Variants in GRIK2 observed in about 807,000 individuals in gnomAD.
GRIK2 encodes glutamate ionotropic receptor kainate type subunit 2, also known as glutamate receptor ionotropic, kainate 2.
GRIK2 carries 32 observed loss-of-function variants against 100.3 expected under a neutral mutation model. That is an observed-to-expected ratio of 0.32 (90% CI 0.24 to 0.43). The LOEUF is 0.43. Ranked by LOEUF, GRIK2 falls within the 20% of genes least tolerant of loss-of-function variation. GRIK2 has a pLI of 1.00. For missense variants in GRIK2, 843 were observed against 1,114.9 expected, an observed-to-expected ratio of 0.76 and a Z score of 3.47; for synonymous variants, 417 against 389.4, an observed-to-expected ratio of 1.07 and a Z score of -0.83.
At chr6:101,683,881 TG>T (rs1170283845) in intron 6 of GRIK2, among the ~76,000 whole-genome samples, 9 of 152,202 alleles carry the variant, frequency 5.9e-5, no homozygotes, top group Non-Finnish European at 1.2e-4. Context: ...ATTTTTCCTT[TG>T]TAGTGTCTCT....
At chr6:101,643,712 C>T (rs1781392274) in intron 4 of GRIK2, among the ~76,000 whole-genome samples, 1 of 151,288 alleles carries the variant, frequency 6.6e-6, no homozygotes, top group Non-Finnish European at 1.5e-5. Flanking sequence ...GTCAGGATTT[C>T]TTGAGATTCT....
At chr6:101,944,782 A>C (rs565109588) in intron 14 of GRIK2, among the ~76,000 whole-genome samples, 11 of 152,224 alleles carry the variant, frequency 7.2e-5, no homozygotes, top group African/African-American at 2.6e-4. Flanking sequence ...ACATTTTTTT[A>C]AAGAGTCAAT....
intron 4 of GRIK2, among the ~76,000 whole-genome samples, chr6:101,627,180 C>A (rs949004483): frequency 6.6e-6 from 1 of 151,588 alleles, no homozygotes; most frequent in Non-Finnish European, 1.5e-5. Flanking sequence ...GTCACTCTGT[C>A]GCCCAGGCTG....
At chr6:101,925,361 A>G (rs932455586) in intron 13 of GRIK2, among the ~76,000 whole-genome samples, 1 of 152,030 alleles carries the variant, frequency 6.6e-6, no homozygotes, top group Non-Finnish European at 1.5e-5. Flanking sequence ...GAGATAATAC[A>G]TGTACTAATA....
At chr6:101,570,777 C>A (rs1191498446) in intron 2 of GRIK2, among the ~76,000 whole-genome samples, 1 of 152,156 alleles carries the variant, frequency 6.6e-6, no homozygotes, top group Non-Finnish European at 1.5e-5. Flanking sequence ...ACTTGGCTGA[C>A]CTCCAGGGCC....
At chr6:102,055,844 A>G (rs1168887593) in intron 16 of GRIK2, among the ~76,000 whole-genome samples, 1 of 152,008 alleles carries the variant, frequency 6.6e-6, no homozygotes, top group Non-Finnish European at 1.5e-5. Flanking sequence ...TTCTACTCTT[A>G]TTACAGACTT....
intron 7 of GRIK2, among the ~76,000 whole-genome samples, chr6:101,734,836 G>A (rs1031543279): frequency 1.3e-5 from 2 of 152,140 alleles, no homozygotes; most frequent in African/African-American, 4.8e-5. Context: ...TGAGAGGAAA[G>A]GCAGAGAGAA....
At chr6:101,678,398 G>A (rs1268407797) in intron 5 of GRIK2, among the ~76,000 whole-genome samples, 2 of 152,078 alleles carry the variant, frequency 1.3e-5, no homozygotes, top group Non-Finnish European at 2.9e-5. Context: ...ACAGAAAAAT[G>A]TAATTTTAAC....
Position 101,430,168 on chromosome 6 carries a change from G to T in GRIK2, c.115+30776G>T, listed in dbSNP as rs1456011945. Among the ~76,000 whole-genome samples, 3 of 152,138 alleles carry T rather than the reference G, an allele frequency of 2.0e-5. No individual in the cohort carries two copies. The East Asian group carries it at 5.8e-4, about 29-fold the overall frequency. On this transcript the variant is annotated intron_variant, in intron 2 of 16. Coordinates refer to ENST00000369134, the MANE Select transcript of GRIK2 (RefSeq NM_021956.5). ...CTCACCTCAGCCACTGAGTGACCGAGTTACATGTACTAAGGGTTTAAATCC... is the reference window on the plus strand; with the variant it reads ...CTCACCTCAGCCACTGAGTGACCGATTTACATGTACTAAGGGTTTAAATCC...
intron 14 of GRIK2, among the ~76,000 whole-genome samples, chr6:102,006,208 G>A (rs1431065925): frequency 6.6e-6 from 1 of 151,468 alleles, no homozygotes; most frequent in Non-Finnish European, 1.5e-5. Flanking sequence ...ATAACATTGT[G>A]TAATAAAAAA....
rs1562364814 is a variant in GRIK2, at chr6:101,760,695, T to TATATATAATTATATATTTAATTATATTTA, written c.952-38950_952-38922dup. 1.1e-3 allele frequency among the ~76,000 whole-genome samples: 88 copies of TATATATAATTATATATTTAATTATATTTA among 79,982 alleles called. 3 individuals carry two copies. The highest frequency in any genetic ancestry group is 4.9e-3 in the African/African-American group (81 of 16,452). 52.5% of individuals were successfully genotyped at this position (79,982 alleles called of 152,430 possible). A position where few individuals can be genotyped will look rare whatever the true frequency, so the allele number is the denominator to read the frequency against. On this transcript the variant is annotated intron_variant, in intron 7 of 16. Coordinates refer to ENST00000369134, the MANE Select transcript of GRIK2 (RefSeq NM_021956.5). Reference sequence around the variant, plus strand: ...AATTATATATTTAATTATATATAATTATATATAATTATATATTTAATTATA... The same window carrying TATATATAATTATATATTTAATTATATTTA: ...AATTATATATTTAATTATATATAATTATATATAATTATATATTTAATTATATTTAATATATAATTATATATTTAATTATA...
intron 2 of GRIK2, among the ~76,000 whole-genome samples, chr6:101,405,338 T>A (rs1010459552): frequency 6.6e-6 from 1 of 152,046 alleles, no homozygotes; most frequent in Non-Finnish European, 1.5e-5. Context: ...TTTTAAGAGC[T>A]GATTTAATAA....
intron 15 of GRIK2, among the ~76,000 whole-genome samples, chr6:102,054,075 GC>G (rs1177207074): frequency 2.0e-5 from 3 of 152,130 alleles, no homozygotes; most frequent in Non-Finnish European, 2.9e-5. Context: ...AATGGGCAAT[GC>G]CCCTATTTAG....
intron 2 of GRIK2, among the ~76,000 whole-genome samples, chr6:101,542,258 A>G (rs375173567): frequency 2.6e-5 from 4 of 152,228 alleles, no homozygotes; most frequent in East Asian, 1.9e-4. Flanking sequence ...AAAAAGAACC[A>G]TAAGAGAATT....
At chr6:102,031,453 A>ATT (rs1272019266) in intron 14 of GRIK2, among the ~76,000 whole-genome samples, 18 of 92,820 alleles carry the variant, frequency 1.9e-4, no homozygotes, top group African/African-American at 1.3e-3. Context: ...ATTTATTTTT[A>ATT]TTTTAAAAAT....
intron 2 of GRIK2, among the ~76,000 whole-genome samples, chr6:101,497,564 G>A (rs1444124117): frequency 6.6e-6 from 1 of 151,736 alleles, no homozygotes; most frequent in Admixed American, 6.6e-5. Context: ...CCAGATGGGA[G>A]GATAAAGCTG....
intron 2 of GRIK2, among the ~76,000 whole-genome samples, chr6:101,569,038 C>T (rs1777415424): frequency 6.6e-6 from 1 of 151,932 alleles, no homozygotes; most frequent in African/African-American, 2.4e-5. Context: ...CTTTGAGAGC[C>T]ATAATATTCA....
At chr6:101,707,524 ATATATATGTGTGTATATATG>A (rs1184159179) in intron 7 of GRIK2, among the ~76,000 whole-genome samples, 4 of 134,390 alleles carry the variant, frequency 3.0e-5, no homozygotes, top group East Asian at 2.2e-4. Context: ...AATTGTGAAA[ATATATATGTGTGTATATATG>A]TATATATGTG....
chr6:101,526,284 T>C (rs971367354), intron 2 of GRIK2, among the ~76,000 whole-genome samples: 1 of 152,182 alleles, frequency 6.6e-6, no homozygotes, highest in Non-Finnish European at 1.5e-5. Flanking sequence ...TTGGCAACTC[T>C]AGGACTTTTA....
Sources: allele counts gnomAD v4.1 joint callset (sites outside exome capture counted in the v4.1 genomes callset), GRCh38; gene constraint gnomAD v4.1.1; transcripts MANE v1.5; gene names NCBI Gene and HGNC (gene_info 2026-07-23, HGNC 2026-07-21).